Variants in FBXL17 observed in about 807,000 individuals in gnomAD.
FBXL17 encodes the protein F-box/LRR-repeat protein 17.
In FBXL17, 22 loss-of-function variants were observed where a neutral mutation model predicts 66.2. The ratio of observed to expected loss-of-function variants is 0.33; its 90% confidence interval spans 0.24 to 0.47. The LOEUF (loss-of-function observed/expected upper bound fraction) is 0.47. Ranked by LOEUF, FBXL17 falls within the 20% of genes least tolerant of loss-of-function variation. The probability of loss-of-function intolerance (pLI) is 1.00; values close to 1 mark genes in which losing one functional copy is unlikely to be tolerated. For synonymous variants in FBXL17, 474 were observed against 400.5 expected (o/e 1.18, Z -2.19); for missense variants, 878 against 948.2 (o/e 0.93, Z 0.97).
chr5:108,250,777 C>G (rs1251657215), intron 4 of FBXL17, among the ~76,000 whole-genome samples: 1 of 152,080 alleles, frequency 6.6e-6, no homozygotes, highest in East Asian at 1.9e-4. Flanking sequence ...TTGTTTAATG[C>G]AAATGCTCAT....
intron 6 of FBXL17, among the ~76,000 whole-genome samples, chr5:108,136,230 T>C (rs1363169763): frequency 1.3e-5 from 2 of 152,246 alleles, no homozygotes; most frequent in East Asian, 3.9e-4. Flanking sequence ...CCTAACTCTT[T>C]AAGTAATTCA....
chr5:108,227,072 CA>C (rs1755132125), intron 4 of FBXL17, among the ~76,000 whole-genome samples: 1 of 152,110 alleles, frequency 6.6e-6, no homozygotes, highest in African/African-American at 2.4e-5. Context: ...GACAGACGTA[CA>C]GACAATATCC....
At position 108,212,855 on chromosome 5, in the gene FBXL17, C is replaced by T. The variant is rs117763643; in HGVS notation, c.1614+11266G>A. ...AGGTTGAATGCTGTGCTGGGAGGTA[C>T]GCTGCTCTTTTCAGAGCTGTCAGGC... On this transcript the variant is annotated intron_variant, in intron 5 of 8. Coordinates refer to ENST00000542267, the MANE Select transcript of FBXL17 (RefSeq NM_001163315.3). 9.1e-3 allele frequency among the ~76,000 whole-genome samples: 1,384 copies of T among 152,246 alleles called. 25 individuals are homozygous for T. The highest frequency in any genetic ancestry group is 0.067 in the East Asian group (345 of 5,148).
At chr5:107,871,789 T>C (rs1748463661) in intron 8 of FBXL17, among the ~76,000 whole-genome samples, 2 of 151,144 alleles carry the variant, frequency 1.3e-5, no homozygotes, top group Admixed American at 1.3e-4. Flanking sequence ...CCTAATAAGA[T>C]AATTAATATA....
At chr5:108,310,394 T>C (rs940759122) in intron 4 of FBXL17, among the ~76,000 whole-genome samples, 1 of 152,166 alleles carries the variant, frequency 6.6e-6, no homozygotes, top group Non-Finnish European at 1.5e-5. Context: ...AGAGCTGCTT[T>C]ACTCGAAAAA....
chr5:108,111,336 A>G (rs1394322282), intron 6 of FBXL17, among the ~76,000 whole-genome samples: 1 of 152,232 alleles, frequency 6.6e-6, no homozygotes, highest in Non-Finnish European at 1.5e-5. Flanking sequence ...TGGAAACAAA[A>G]CAAGACTATA....
chr5:108,083,511 G>A (rs1023698286), intron 6 of FBXL17, among the ~76,000 whole-genome samples: 5 of 151,606 alleles, frequency 3.3e-5, no homozygotes, highest in Non-Finnish European at 5.9e-5. Context: ...AGCCATTCTC[G>A]CATCTCAGCC....
At chr5:108,026,574 T>C (rs1186008734) in intron 6 of FBXL17, among the ~76,000 whole-genome samples, 1 of 152,218 alleles carries the variant, frequency 6.6e-6, no homozygotes, top group East Asian at 1.9e-4. Flanking sequence ...TGCGAGAGCA[T>C]TTGCTCAAAG....
rs1013299126 is a variant in FBXL17 at position 108,329,515 on chromosome 5, C to T, written c.1506+18884G>A. Among the ~76,000 whole-genome samples, 3 of 152,116 alleles carry T rather than the reference C, an allele frequency of 2.0e-5. No homozygotes were observed. In the South Asian group the frequency reaches 6.2e-4, roughly 32 times the overall value. Reference sequence around the variant, plus strand: ...GTCCTTAACAATAAATAAACATCAACTCAATAGAATAATGCCAAAACTCAA... The same window carrying T: ...GTCCTTAACAATAAATAAACATCAATTCAATAGAATAATGCCAAAACTCAA... On this transcript the variant is annotated intron_variant, in intron 4 of 8. Coordinates refer to ENST00000542267, the MANE Select transcript of FBXL17 (RefSeq NM_001163315.3).
At chr5:108,365,088 C>A (rs1269687936) in intron 2 of FBXL17, 93 bp from the exon 3 acceptor site, 1 of 848,344 alleles carries the variant, frequency 1.2e-6, no homozygotes, top group Non-Finnish European at 1.8e-6. Context: ...AAACAATATA[C>A]TAATTAGATT....
chr5:108,159,161 T>C (rs930734156), intron 6 of FBXL17, among the ~76,000 whole-genome samples: 1 of 152,182 alleles, frequency 6.6e-6, no homozygotes. Context: ...CAGAGAAATC[T>C]ACAACTCAAT....
intron 7 of FBXL17, among the ~76,000 whole-genome samples, chr5:107,888,029 C>T (rs1580684290): frequency 6.6e-6 from 1 of 152,212 alleles, no homozygotes; most frequent in African/African-American, 2.4e-5. Flanking sequence ...AATCTCTTTA[C>T]TTCTAATTAA....
intron 7 of FBXL17, among the ~76,000 whole-genome samples, chr5:107,997,655 G>T (rs1310288348): frequency 1.3e-5 from 2 of 152,134 alleles, no homozygotes; most frequent in South Asian, 4.1e-4. Context: ...TGATGTTCTT[G>T]TCTGTCTTCC....
intron 7 of FBXL17, among the ~76,000 whole-genome samples, chr5:107,998,619 C>G (rs927977183): frequency 1.3e-5 from 2 of 151,720 alleles, no homozygotes; most frequent in Non-Finnish European, 2.9e-5. Context: ...TAAGGTGTCA[C>G]CAGAATACCA....
At chr5:108,249,454 T>C (rs901866888) in intron 4 of FBXL17, among the ~76,000 whole-genome samples, 1 of 152,180 alleles carries the variant, frequency 6.6e-6, no homozygotes, top group African/African-American at 2.4e-5. Flanking sequence ...TGTACCAACA[T>C]ATTAATTTAT....
intron 7 of FBXL17, among the ~76,000 whole-genome samples, chr5:107,973,729 C>T (rs1040833436): frequency 1.3e-5 from 2 of 151,738 alleles, no homozygotes; most frequent in Non-Finnish European, 1.5e-5. Flanking sequence ...TTCCGTCACC[C>T]AGGAAATAAT....
intron 6 of FBXL17, among the ~76,000 whole-genome samples, chr5:108,063,606 T>G (rs1168187560): frequency 6.6e-6 from 1 of 152,138 alleles, no homozygotes; most frequent in African/African-American, 2.4e-5. Flanking sequence ...ACAAGGGAAG[T>G]AACATAGAAG....
At chr5:108,076,095 G>A (rs1248211268) in intron 6 of FBXL17, among the ~76,000 whole-genome samples, 2 of 152,222 alleles carry the variant, frequency 1.3e-5, no homozygotes, top group Non-Finnish European at 2.9e-5. Flanking sequence ...GTTGTTTAGT[G>A]AGACAGGTTT....
intron 6 of FBXL17, among the ~76,000 whole-genome samples, chr5:108,093,847 A>G (rs1036477144): frequency 2.0e-5 from 3 of 152,176 alleles, no homozygotes; most frequent in African/African-American, 7.2e-5. Context: ...ATGTATGATA[A>G]TGTACAAAGA....
Sources: gnomAD v4.1 joint callset for allele counts (sites outside exome capture counted in the v4.1 genomes callset) on GRCh38, gnomAD v4.1.1 for gene constraint, MANE v1.5 for transcripts, NCBI Gene and HGNC (gene_info 2026-07-23, HGNC 2026-07-21) for gene names.